Variants in WWTR1 observed in about 807,000 individuals in gnomAD.
WWTR1 encodes the protein WW domain-containing transcription regulator protein 1.
In WWTR1, 13 loss-of-function variants were observed where a neutral mutation model predicts 40.1. That is an observed-to-expected ratio of 0.32 (90% CI 0.21 to 0.52). The LOEUF (loss-of-function observed/expected upper bound fraction) is 0.52, where lower values mean the gene tolerates loss of function less well. Ranked by LOEUF, WWTR1 falls within the 20% of genes least tolerant of loss-of-function variation. The pLI is 0.97. For synonymous variants in WWTR1, 230 were observed against 210.1 expected, an observed-to-expected ratio of 1.09 and a Z score of -0.82; for missense variants, 436 against 523.1, an observed-to-expected ratio of 0.83 and a Z score of 1.63.
At chr3:149,693,868 A>T (rs1714897972) in intron 1 of WWTR1, among the ~76,000 whole-genome samples, 1 of 152,218 alleles carries the variant, frequency 6.6e-6, no homozygotes, top group African/African-American at 2.4e-5. Context: ...ATATATAAAA[A>T]TCAAATATAA....
intron 1 of WWTR1, among the ~76,000 whole-genome samples, chr3:149,674,535 C>T (rs755320533): frequency 6.6e-6 from 1 of 151,792 alleles, no homozygotes; most frequent in Admixed American, 6.6e-5. Context: ...TGCAGTGAGC[C>T]GTGATCATAC....
intron 2 of WWTR1, among the ~76,000 whole-genome samples, chr3:149,619,317 T>A (rs1320926594): frequency 6.6e-6 from 1 of 152,028 alleles, no homozygotes; most frequent in African/African-American, 2.4e-5. Flanking sequence ...TGTTTGTCAG[T>A]AGTATTATTA....
intron 3 of WWTR1, among the ~76,000 whole-genome samples, chr3:149,567,329 T>C (rs565790032): frequency 6.6e-6 from 1 of 152,340 alleles, no homozygotes; most frequent in African/African-American, 2.4e-5. Flanking sequence ...CTTCACTACT[T>C]GCAGAGGGGA....
At chr3:149,699,032 C>T (rs1357261118) in intron 1 of WWTR1, among the ~76,000 whole-genome samples, 3 of 152,234 alleles carry the variant, frequency 2.0e-5, no homozygotes, top group South Asian at 2.1e-4. Context: ...CCCATTTAGT[C>T]ATGCTAATCT....
intron 3 of WWTR1, 29 bp downstream of exon 3, chr3:149,572,835 T>C (rs373414762): frequency 1.9e-6 from 3 of 1,610,306 alleles, no homozygotes; most frequent in East Asian, 4.5e-5. Context: ...AAAATATCTT[T>C]TTTAATTTTA....
rs531118196 is a variant in WWTR1, at chr3:149,552,859, T to A, written c.569-10322A>T. ...ATCCTTATGTCCCAGGGTTCTTTCA[T>A]CAGCTGAGGAAATTAGCACTTAAAG... On this transcript the variant is annotated intron_variant, in intron 3 of 6. Coordinates refer to ENST00000360632, the MANE Select transcript of WWTR1 (RefSeq NM_015472.6). Among the ~76,000 whole-genome samples the A allele has an allele frequency of 1.2e-4, 19 of 152,336 alleles. No individual in the cohort carries two copies. The South Asian group carries it at 3.1e-3, about 25-fold the overall frequency.
chr3:149,600,534 G>C (rs148830618), intron 2 of WWTR1, among the ~76,000 whole-genome samples: 81 of 152,224 alleles, frequency 5.3e-4, no homozygotes, highest in African/African-American at 1.9e-3. Context: ...ACCTGAAGGG[G>C]AAGAATAAAA....
At chr3:149,595,365 GA>G (rs1031605487) in intron 2 of WWTR1, among the ~76,000 whole-genome samples, 12 of 151,890 alleles carry the variant, frequency 7.9e-5, no homozygotes, top group South Asian at 4.2e-4. Context: ...AAAAACAAAA[GA>G]AAAAAATAGG....
intron 2 of WWTR1, among the ~76,000 whole-genome samples, chr3:149,588,885 G>A (rs975698728): frequency 1.1e-4 from 16 of 152,052 alleles, no homozygotes; most frequent in Non-Finnish European, 1.6e-4. Flanking sequence ...TGGAAAAGGC[G>A]CCACCATAAT....
chr3:149,584,831 A>G (rs1738336007), intron 2 of WWTR1, among the ~76,000 whole-genome samples: 1 of 152,150 alleles, frequency 6.6e-6, no homozygotes, highest in Admixed American at 6.5e-5. Context: ...CCAATGTAAA[A>G]TGGGCATAAG....
chr3:149,580,122 G>A (rs1738072920), intron 2 of WWTR1, among the ~76,000 whole-genome samples: 2 of 152,250 alleles, frequency 1.3e-5, no homozygotes, highest in South Asian at 4.1e-4. Context: ...TTGTATGTTG[G>A]GGATAAATAC....
chr3:149,669,739 G>A (rs146114663), intron 2 of WWTR1: 288 of 138,746 alleles, frequency 2.1e-3, no homozygotes, highest in African/African-American at 7.3e-3. Flanking sequence ...TTAATATCAT[G>A]TTCAAACTAC....
At chr3:149,580,736 C>T (rs375741360) in intron 2 of WWTR1, among the ~76,000 whole-genome samples, 76 of 152,308 alleles carry the variant, frequency 5.0e-4, no homozygotes, top group African/African-American at 1.7e-3. Flanking sequence ...CTTTAGCCTC[C>T]CAAGTAGCTG....
At chr3:149,706,984 C>A (rs1715350107), upstream of WWTR1, among the ~76,000 whole-genome samples, 1 of 152,180 alleles carries the variant, frequency 6.6e-6, no homozygotes, top group Non-Finnish European at 1.5e-5. Flanking sequence ...AGCCACCCCC[C>A]AACCCCAATA....
At chr3:149,583,484 G>T (rs1396626885) in intron 2 of WWTR1, among the ~76,000 whole-genome samples, 1 of 152,144 alleles carries the variant, frequency 6.6e-6, no homozygotes, top group African/African-American at 2.4e-5. Flanking sequence ...CTACACATGC[G>T]TGCCACCTTG....
At chr3:149,590,113 A>G (rs377546249) in intron 2 of WWTR1, among the ~76,000 whole-genome samples, 1 of 152,204 alleles carries the variant, frequency 6.6e-6, no homozygotes. Flanking sequence ...TCTAGCATAC[A>G]ATAGACACTA....
At chr3:149,710,198 T>C (rs989503446) in intron 5 of WWTR1, among the ~76,000 whole-genome samples, 9 of 152,096 alleles carry the variant, frequency 5.9e-5, no homozygotes, top group Admixed American at 5.2e-4. Flanking sequence ...TTCCTCAGAG[T>C]GAAAAAATCT....
At chr3:149,639,980 C>T (rs1198977672) in intron 2 of WWTR1, among the ~76,000 whole-genome samples, 3 of 121,114 alleles carry the variant, frequency 2.5e-5, no homozygotes, top group South Asian at 2.6e-4. Context: ...GGCTACACAG[C>T]GAGACTCCGT....
chr3:149,555,879 T>C (rs1560058080), intron 3 of WWTR1, among the ~76,000 whole-genome samples: 3 of 152,178 alleles, frequency 2.0e-5, no homozygotes, highest in Non-Finnish European at 4.4e-5. Context: ...ATTTTAGTGA[T>C]AAGGGATTTG....
Sources: allele counts gnomAD v4.1 joint callset (sites outside exome capture counted in the v4.1 genomes callset), GRCh38; gene constraint gnomAD v4.1.1; transcripts MANE v1.5; gene names NCBI Gene and HGNC (gene_info 2026-07-23, HGNC 2026-07-21).